TACR1: variants seen among roughly 807,000 people sequenced by gnomAD.
TACR1 encodes the protein substance-P receptor.
Under a neutral mutation model 35.8 loss-of-function variants are expected in TACR1, and 25 were observed. The ratio of observed to expected loss-of-function variants is 0.70; its 90% CI spans 0.51 to 0.98. The LOEUF (loss-of-function observed/expected upper bound fraction) is 0.98. Ranked by LOEUF, TACR1 falls within the 50% of genes least tolerant of loss-of-function variation. The pLI, the probability that TACR1 is intolerant of heterozygous loss-of-function variation, is 0.00. For synonymous variants in TACR1, 195 were observed against 206.7 expected (o/e 0.94, Z 0.48); for missense variants, 478 against 522.9 (o/e 0.91, Z 0.84).
chr2:75,070,720 A>G (rs1672861345), intron 2 of TACR1, among the ~76,000 whole-genome samples: 1 of 152,326 alleles, frequency 6.6e-6, no homozygotes, highest in South Asian at 2.1e-4. Context: ...GTACTGCTAT[A>G]TCCTTAGCTC....
intron 1 of TACR1, among the ~76,000 whole-genome samples, chr2:75,145,838 G>T (rs930758593): frequency 6.6e-6 from 1 of 152,204 alleles, no homozygotes; most frequent in Non-Finnish European, 1.5e-5. Context: ...GCAGATCCAG[G>T]TGGAGAGGTG....
intron 1 of TACR1, among the ~76,000 whole-genome samples, chr2:75,179,658 A>C (rs571715821): frequency 7.0e-4 from 106 of 152,290 alleles, no homozygotes; most frequent in African/African-American, 2.5e-3. Flanking sequence ...CTATGAAGAG[A>C]AGTGATGTGT....
At chr2:75,159,538 A>G (rs1242443251) in intron 1 of TACR1, among the ~76,000 whole-genome samples, 5 of 152,200 alleles carry the variant, frequency 3.3e-5, no homozygotes, top group African/African-American at 1.2e-4. Context: ...AGGAAGTTAC[A>G]GGCAGGAAAA....
chr2:75,066,283 A>G (rs565171734), intron 2 of TACR1, among the ~76,000 whole-genome samples: 89 of 152,326 alleles, frequency 5.8e-4, no homozygotes, highest in African/African-American at 1.9e-3. Context: ...GCCTTGTTCA[A>G]GTCACTCAGG....
chr2:75,175,340 T>C (rs1675386737), intron 1 of TACR1, among the ~76,000 whole-genome samples: 2 of 152,322 alleles, frequency 1.3e-5, no homozygotes, highest in South Asian at 4.1e-4. Context: ...AAAAATCTTA[T>C]AATTACCCAA....
chr2:75,134,590 C>A (rs1228413869), intron 1 of TACR1, among the ~76,000 whole-genome samples: 1 of 152,176 alleles, frequency 6.6e-6, no homozygotes, highest in Non-Finnish European at 1.5e-5. Context: ...AAAGGTTGAG[C>A]TGGCATGCAC....
chr2:75,157,732 G>C (rs1218925202), intron 1 of TACR1, among the ~76,000 whole-genome samples: 1 of 152,228 alleles, frequency 6.6e-6, no homozygotes, highest in Non-Finnish European at 1.5e-5. Context: ...CTTATTCAGG[G>C]AGATGTGGGT....
intron 2 of TACR1, among the ~76,000 whole-genome samples, chr2:75,082,494 C>T (rs1354025004): frequency 1.7e-4 from 26 of 152,314 alleles, no homozygotes; most frequent in Admixed American, 1.5e-3. Flanking sequence ...CCTGAGGAAT[C>T]GCCACACTGT....
At chr2:75,190,774 C>T (rs1305642445) in intron 1 of TACR1, among the ~76,000 whole-genome samples, 1 of 152,186 alleles carries the variant, frequency 6.6e-6, no homozygotes, top group African/African-American at 2.4e-5. Flanking sequence ...AGAACCAGCA[C>T]TGGAACCCAT....
intron 1 of TACR1, among the ~76,000 whole-genome samples, chr2:75,196,880 A>G (rs1277859159): frequency 6.6e-6 from 1 of 152,204 alleles, no homozygotes; most frequent in East Asian, 1.9e-4. Flanking sequence ...TTTAGGGGGC[A>G]TCAAGAGAGT....
intron 2 of TACR1, among the ~76,000 whole-genome samples, chr2:75,087,229 T>C (rs924069399): frequency 6.6e-6 from 1 of 152,254 alleles, no homozygotes; most frequent in Non-Finnish European, 1.5e-5. Context: ...GAAATGTGGC[T>C]ACTAGAAAAT....
intron 2 of TACR1, among the ~76,000 whole-genome samples, chr2:75,092,990 G>A (rs944463598): frequency 6.6e-6 from 1 of 152,178 alleles, no homozygotes; most frequent in African/African-American, 2.4e-5. Flanking sequence ...TATTTTATGT[G>A]TAGTAAACTA....
At chr2:75,130,633 T>C (rs1674159899) in intron 1 of TACR1, among the ~76,000 whole-genome samples, 1 of 152,240 alleles carries the variant, frequency 6.6e-6, no homozygotes, top group Non-Finnish European at 1.5e-5. Flanking sequence ...GGATTTCTGC[T>C]TTTCATAAAA....
chr2:75,139,440 G>A lies in TACR1; in HGVS notation c.390-18672C>T, dbSNP rs1241212799. Among the ~76,000 whole-genome samples the A allele has an allele frequency of 2.6e-5, 4 of 152,326 alleles. No homozygotes were observed. In the South Asian group the frequency reaches 8.3e-4, roughly 32 times the overall value. On this transcript the variant is annotated intron_variant, in intron 1 of 4. Coordinates refer to ENST00000305249, the MANE Select transcript of TACR1 (RefSeq NM_001058.4). ...CAATTTTTTGATTAAAATGAGAGCA[G>A]CAAAGGAGAATCTATGCTGGCTGGT...
chr2:75,167,898 C>T (rs1011649657), intron 1 of TACR1, among the ~76,000 whole-genome samples: 1 of 152,016 alleles, frequency 6.6e-6, no homozygotes, highest in Non-Finnish European at 1.5e-5. Context: ...ATTGTTCACT[C>T]ATCAAATTGT....
rs375361975 is a variant in TACR1, at chr2:75,170,416, A to G, written c.389+28130T>C. Among the ~76,000 whole-genome samples the G allele has an allele frequency of 7.9e-5, 12 of 152,354 alleles. No homozygotes were observed. In the East Asian group the frequency reaches 1.5e-3, roughly 20 times the overall value. On this transcript the variant is annotated intron_variant, in intron 1 of 4. Transcript: ENST00000305249. ...AACCTCTTTCCTTTATAAATTACCC[A>G]ATCCTGAGTATGTCTTTATTAGCAG...
chr2:75,051,007 G>T, intron 4 of TACR1: 1 of 538,236 alleles, frequency 1.9e-6, no homozygotes, highest in Non-Finnish European at 3.3e-6. Flanking sequence ...AGAAGACTTT[G>T]GACAATAATA....
chr2:75,168,029 A>G (rs1329142347), intron 1 of TACR1, among the ~76,000 whole-genome samples: 1 of 152,214 alleles, frequency 6.6e-6, no homozygotes, highest in Non-Finnish European at 1.5e-5. Flanking sequence ...AAATTCACCA[A>G]CATGTCAAGA....
chr2:75,085,200 G>C (rs943285876), intron 2 of TACR1, among the ~76,000 whole-genome samples: 1 of 151,978 alleles, frequency 6.6e-6, no homozygotes, highest in Admixed American at 6.6e-5. Flanking sequence ...TGCATCACAA[G>C]GTCCAAAGAA....
Sources: gnomAD v4.1 joint callset for allele counts (sites outside exome capture counted in the v4.1 genomes callset) on GRCh38, gnomAD v4.1.1 for gene constraint, MANE v1.5 for transcripts, NCBI Gene and HGNC (gene_info 2026-07-23, HGNC 2026-07-21) for gene names.